The following CAMKMT variants were observed in gnomAD, a reference collection of about 807,000 sequenced individuals.
CAMKMT encodes CaM KMT.
A neutral mutation model predicts 48.0 loss-of-function variants in CAMKMT; 53 were observed. That is an observed-to-expected ratio of 1.10 (90% CI 0.89 to 1.39). The LOEUF (loss-of-function observed/expected upper bound fraction) is 1.39. CAMKMT is among the 40% of genes most tolerant of loss of function. CAMKMT has a pLI of 0.00. For missense variants in CAMKMT, 428 were observed against 402.7 expected, an observed-to-expected ratio of 1.06 and a Z score of -0.54; for synonymous variants, 165 against 152.3, an observed-to-expected ratio of 1.08 and a Z score of -0.61.
intron 3 of CAMKMT, among the ~76,000 whole-genome samples, chr2:44,488,876 TG>T (rs1669344337): frequency 5.3e-5 from 8 of 149,548 alleles, no homozygotes; most frequent in Non-Finnish European, 7.5e-5. Context: ...TGTGTGTGTG[TG>T]TTTTAAGAAA....
chr2:44,652,611 CT>C (rs59695320), intron 3 of CAMKMT, among the ~76,000 whole-genome samples: 1,652 of 152,352 alleles, frequency 0.011, 25 homozygotes, highest in African/African-American at 0.037. Context: ...CTGCCTCCCC[CT>C]CTCCAAAGTA....
intron 3 of CAMKMT, among the ~76,000 whole-genome samples, chr2:44,620,716 A>G (rs1442187855): frequency 2.0e-5 from 3 of 152,176 alleles, no homozygotes; most frequent in South Asian, 4.1e-4. Context: ...ATATTTATTT[A>G]TCTTTAATTC....
At chr2:44,452,263 T>C (rs1667332158) in intron 3 of CAMKMT, among the ~76,000 whole-genome samples, 1 of 152,008 alleles carries the variant, frequency 6.6e-6, no homozygotes. Flanking sequence ...GAATATGCTT[T>C]CCAGTGGACT....
chr2:44,411,269 C>T (rs1415968472), intron 3 of CAMKMT, among the ~76,000 whole-genome samples: 2 of 152,110 alleles, frequency 1.3e-5, no homozygotes, highest in Non-Finnish European at 2.9e-5. Context: ...TTCGTTTACT[C>T]ATTACATATT....
chr2:44,758,961 A>G (rs1680497996), intron 9 of CAMKMT, among the ~76,000 whole-genome samples: 1 of 152,230 alleles, frequency 6.6e-6, no homozygotes, highest in Non-Finnish European at 1.5e-5. Context: ...ACAGTAATCC[A>G]GCTTGTTACC....
At chr2:44,406,308 G>A (rs1682774627) in intron 3 of CAMKMT, among the ~76,000 whole-genome samples, 3 of 151,942 alleles carry the variant, frequency 2.0e-5, no homozygotes, top group African/African-American at 7.3e-5. Flanking sequence ...TTTTTTAAAA[G>A]GGGAATTTAT....
At position 44,399,572 on chromosome 2, in the gene CAMKMT, C is replaced by A. The variant is rs182616653; in HGVS notation, c.376+9267C>A. Among the ~76,000 whole-genome samples the A allele has an allele frequency of 3.3e-5, 5 of 151,764 alleles. No homozygotes were observed. The East Asian group carries it at 9.7e-4, about 29-fold the overall frequency. On this transcript the variant is annotated intron_variant, in intron 3 of 10. Coordinates refer to ENST00000378494, the MANE Select transcript of CAMKMT (RefSeq NM_024766.5). ...TTCCCTTTTTTCCCTCTCTCATCTC[C>A]TGCCATCTCACATTGCTACTGGTTC...
chr2:44,650,888 C>T (rs1274766289), intron 3 of CAMKMT, among the ~76,000 whole-genome samples: 1 of 151,000 alleles, frequency 6.6e-6, no homozygotes, highest in Non-Finnish European at 1.5e-5. Flanking sequence ...AGACTGGAAA[C>T]ATTACAACGA....
At chr2:44,388,918 G>T (rs187919414) in intron 2 of CAMKMT, among the ~76,000 whole-genome samples, 26 of 151,962 alleles carry the variant, frequency 1.7e-4, no homozygotes, top group Non-Finnish European at 3.8e-4. Flanking sequence ...GGGGTGGGGG[G>T]TACAATGGAG....
At chr2:44,685,820 G>A (rs1676303946) in intron 3 of CAMKMT, among the ~76,000 whole-genome samples, 1 of 152,002 alleles carries the variant, frequency 6.6e-6, no homozygotes, top group African/African-American at 2.4e-5. Flanking sequence ...ATAATATTCT[G>A]CCCATTTCAA....
At chr2:44,381,144 T>G (rs1438078014) in intron 2 of CAMKMT, among the ~76,000 whole-genome samples, 1 of 152,016 alleles carries the variant, frequency 6.6e-6, no homozygotes, top group Non-Finnish European at 1.5e-5. Flanking sequence ...TGGGTGACAG[T>G]GCAAGACTCC....
intron 3 of CAMKMT, among the ~76,000 whole-genome samples, chr2:44,548,961 A>T (rs537684490): frequency 1.3e-5 from 2 of 152,310 alleles, no homozygotes; most frequent in Admixed American, 1.3e-4. Context: ...AGAGTTGTGA[A>T]CTGATAAATG....
chr2:44,511,797 T>C (rs1392887359), intron 3 of CAMKMT, among the ~76,000 whole-genome samples: 1 of 152,158 alleles, frequency 6.6e-6, no homozygotes, highest in Non-Finnish European at 1.5e-5. Flanking sequence ...TTTGGTTGGG[T>C]CCCTCACTTC....
At chr2:44,726,919 G>A (rs569857213) in intron 7 of CAMKMT, among the ~76,000 whole-genome samples, 1 of 152,262 alleles carries the variant, frequency 6.6e-6, no homozygotes, top group East Asian at 1.9e-4. Flanking sequence ...TTGAAGATCA[G>A]ATGGTTGCAA....
At chr2:44,711,510 T>A (rs1677877583) in intron 6 of CAMKMT, among the ~76,000 whole-genome samples, 1 of 152,196 alleles carries the variant, frequency 6.6e-6, no homozygotes, top group Admixed American at 6.5e-5. Flanking sequence ...GAGAATGAGG[T>A]CTTGCTGTGT....
intron 3 of CAMKMT, among the ~76,000 whole-genome samples, chr2:44,572,532 C>G (rs1306524060): frequency 1.3e-5 from 2 of 152,132 alleles, no homozygotes; most frequent in Admixed American, 1.3e-4. Flanking sequence ...TCCATTTATT[C>G]ATTGATGGAC....
chr2:44,428,329 C>T (rs1220273815), intron 3 of CAMKMT, among the ~76,000 whole-genome samples: 1 of 152,230 alleles, frequency 6.6e-6, no homozygotes, highest in East Asian at 1.9e-4. Flanking sequence ...ACCATAGTCT[C>T]TGATGTTCAG....
intron 2 of CAMKMT, among the ~76,000 whole-genome samples, chr2:44,389,731 T>G (rs1681138575): frequency 6.6e-6 from 1 of 152,208 alleles, no homozygotes; most frequent in African/African-American, 2.4e-5. Context: ...AGAATTAAGA[T>G]TAGTGGGCAA....
chr2:44,394,242 T>C (rs1681612808), intron 3 of CAMKMT, among the ~76,000 whole-genome samples: 1 of 152,110 alleles, frequency 6.6e-6, no homozygotes, highest in Non-Finnish European at 1.5e-5. Flanking sequence ...GTCTGGGGGA[T>C]GTATTGGTAA....
Sources: allele counts gnomAD v4.1 joint callset (sites outside exome capture counted in the v4.1 genomes callset), GRCh38; gene constraint gnomAD v4.1.1; transcripts MANE v1.5; gene names NCBI Gene and HGNC (gene_info 2026-07-23, HGNC 2026-07-21).